TEP1: variants seen among roughly 807,000 people sequenced by gnomAD.
TEP1 encodes the protein telomerase associated protein 1, also known as telomerase protein component 1.
A neutral mutation model predicts 306.3 loss-of-function variants in TEP1; 241 were observed. The ratio of observed to expected loss-of-function variants is 0.79; its 90% CI spans 0.71 to 0.88. The LOEUF (loss-of-function observed/expected upper bound fraction) is 0.88. Ranked by LOEUF, TEP1 falls within the 40% of genes least tolerant of loss-of-function variation. The probability of loss-of-function intolerance (pLI) is 0.00; values close to 1 mark genes in which losing one functional copy is unlikely to be tolerated. For synonymous variants in TEP1, 1,289 were observed against 1,305.5 expected (o/e 0.99, Z 0.27); for missense variants, 3,051 against 3,276.1 (o/e 0.93, Z 1.68).
intron 7 of TEP1, among the ~76,000 whole-genome samples, chr14:20,401,848 G>A (rs139068844): frequency 1.2e-3 from 186 of 152,304 alleles, no homozygotes; most frequent in African/African-American, 4.3e-3. Flanking sequence ...GAGAAACAAG[G>A]TGGGGATAGA....
chr14:20,382,476 G>A, intron 28 of TEP1, 120 bp from the exon 29 acceptor site: 5 of 1,536,614 alleles, frequency 3.3e-6, no homozygotes, highest in Non-Finnish European at 4.4e-6. Context: ...AAGAACAACA[G>A]TAGGAGGGAA....
chr14:20,368,760 G>A (rs773769593), intron 54 of TEP1, 38 bp downstream of exon 54: 495 of 1,303,608 alleles, frequency 3.8e-4, no homozygotes, highest in African/African-American at 7.4e-4. Flanking sequence ...GTGTGCAGGC[G>A]CACGCACACA....
chr14:20,390,711 G>C lies in TEP1; in HGVS notation c.2304C>G (p.Tyr768Ter), dbSNP rs138966593. The C allele has an allele frequency of 1.2e-6, 2 of 1,614,044 alleles. No individual in the cohort carries two copies. The highest frequency in any genetic ancestry group is 2.7e-5 in the African/African-American group (2 of 74,898). The change falls in exon 15 of 55, where the codon TAC (tyrosine) becomes TAG (stop). Residue 768 changes from tyrosine to a stop codon, truncating the protein, a stop_gained. Transcript: ENST00000262715. LOFTEE classifies it high-confidence loss of function. ...DGWSLNTFGK[Y>*]LLSLAGQRVP... ...CCCTTTGGCCAGCCAGAGACAGCAGGTATTTCCCAAAAGTATTCAGGGACC... is the reference window on the plus strand; with the variant it reads ...CCCTTTGGCCAGCCAGAGACAGCAGCTATTTCCCAAAAGTATTCAGGGACC...
chr14:20,388,132 G>T (rs1169799767), intron 17 of TEP1, 69 bp from the exon 18 acceptor site: 3 of 1,559,672 alleles, frequency 1.9e-6, no homozygotes, highest in Non-Finnish European at 2.6e-6. Context: ...CTTCCGAAAA[G>T]GGCAGGGGGA....
At chr14:20,379,777 G>T (rs1885417433) in intron 35 of TEP1, among the ~76,000 whole-genome samples, 153 bp downstream of exon 35, 1 of 152,232 alleles carries the variant, frequency 6.6e-6, no homozygotes, top group Non-Finnish European at 1.5e-5. Context: ...CTGTGTGATT[G>T]ATTTTTTGGC....
In TEP1 at chr14:20,404,703, A is replaced by T; in HGVS notation, c.940T>A (p.Phe314Ile). The T allele has an allele frequency of 1.2e-6, 2 of 1,614,180 alleles. No homozygotes were observed. The highest frequency in any genetic ancestry group is 1.7e-6 in the Non-Finnish European group (2 of 1,180,030). The change falls in exon 5 of 55, where the codon TTC (phenylalanine) becomes ATC (isoleucine). Residue 314 changes from phenylalanine to isoleucine, a missense_variant. By Grantham distance (21) the Phe-to-Ile change is conservative. This residue lies in a region of TEP1 where 1,507 missense variants were observed against 1,550.5 expected (regional missense o/e 0.97). Coordinates refer to ENST00000262715, the MANE Select transcript of TEP1 (RefSeq NM_007110.5). ...VANNILAIAA[F>I]LPACRPHLRR... ...AGGTGGGGGCGACACGCCGGCAAGA[A>T]AGCAGCAATGGCCAAGATGTTATTG...
In TEP1 at chr14:20,403,706, C is replaced by A. The variant is rs765144881; in HGVS notation, c.1194+17G>T. ...GGAGAAAAGGGGCGTGGGTCGAGGG[C>A]TGGGGCAGTGACTGACTGGAGAGCG... On this transcript the variant is annotated intron_variant, in intron 6 of 54. Coordinates refer to ENST00000262715, the MANE Select transcript of TEP1 (RefSeq NM_007110.5). The A allele has an allele frequency of 1.2e-6, 2 of 1,613,062 alleles. No individual in the cohort carries two copies. Among genetic ancestry groups the A allele is most frequent in the Admixed American group, 3.3e-5 (2 of 60,008 alleles).
intron 21 of TEP1, 134 bp downstream of exon 21, chr14:20,384,851 G>C: frequency 6.7e-7 from 1 of 1,498,134 alleles, no homozygotes; most frequent in Non-Finnish European, 9.1e-7. Flanking sequence ...GGCTGACGTG[G>C]GGCTGCAAAG....
intron 7 of TEP1, among the ~76,000 whole-genome samples, chr14:20,402,471 C>A (rs1878831262): frequency 6.6e-6 from 1 of 152,196 alleles, no homozygotes. Context: ...TCCTAATCAT[C>A]TGTTTTAATA....
chr14:20,371,562 GAC>G lies in TEP1; in HGVS notation c.7145_7146del (p.Gly2382AlafsTer23). ...VLTSLDWAPDGHFLILAKADL... is the reference protein window; with the variant it reads ...VLTSLDWAPDXHFLILAKADL... ...TCTGCTTTGGCCAAGATGAGAAAGT[GAC>G]CATCAGGAGCCCAATCCAGACTTGT... On this transcript the variant is annotated frameshift_variant, in exon 50 of 55. Transcript: ENST00000262715. LOFTEE classifies it high-confidence loss of function. 6.2e-7 allele frequency: 1 copy of G among 1,607,066 alleles called. No homozygotes were observed. Among genetic ancestry groups the G allele is most frequent in the Non-Finnish European group, 8.5e-7 (1 of 1,178,602 alleles).
intron 27 of TEP1, 37 bp downstream of exon 27, chr14:20,383,137 A>AC (rs771448949): frequency 3.9e-6 from 6 of 1,540,410 alleles, no homozygotes; most frequent in Non-Finnish European, 5.2e-6. Flanking sequence ...TCCCAGATTC[A>AC]CCCCACACAC....
chr14:20,388,258 A>G (rs1877377279), intron 17 of TEP1, among the ~76,000 whole-genome samples, 195 bp from the exon 18 acceptor site: 1 of 152,244 alleles, frequency 6.6e-6, no homozygotes, highest in Non-Finnish European at 1.5e-5. Context: ...AATGAAGGAA[A>G]AGAGAAGCCC....
At position 20,381,551 on chromosome 14, in the gene TEP1, A is replaced by C. The variant is rs575633199; in HGVS notation, c.4558+2T>G. On this transcript the variant is annotated splice_donor_variant, in intron 31 of 54. Transcript: ENST00000262715. LOFTEE classifies it high-confidence loss of function. The surrounding 1 kb of genome is among the most constrained non-coding windows in gnomAD (Gnocchi z 4.0). ...GCCCAGGCTGACTTGGGCTGCAATC[A>C]CCTGCAATGAGGATGTGTGCCGTGT... The C allele has an allele frequency of 6.2e-7, 1 of 1,613,550 alleles. No individual in the cohort carries two copies. Among genetic ancestry groups the C allele is most frequent in the South Asian group, 1.1e-5 (1 of 91,080 alleles).
In TEP1 at chr14:20,406,410, T is replaced by C. The variant is rs1216605887; in HGVS notation, c.568-10A>G. 2 of 1,613,378 alleles carry C rather than the reference T, an allele frequency of 1.2e-6. No homozygotes were observed. Among genetic ancestry groups the C allele is most frequent in the Non-Finnish European group, 1.7e-6 (2 of 1,179,826 alleles). On this transcript the variant is annotated splice_polypyrimidine_tract_variant and intron_variant, in intron 2 of 54. Coordinates refer to ENST00000262715, the MANE Select transcript of TEP1 (RefSeq NM_007110.5). ...AATCAAACCAACGACCCTGGGGTAGTAGTGGCAGTTATGAATCACAGCAGG... is the reference window on the plus strand; with the variant it reads ...AATCAAACCAACGACCCTGGGGTAGCAGTGGCAGTTATGAATCACAGCAGG...
rs1263549925 is a variant in TEP1, at chr14:20,373,659, G to A, written c.6604+19C>T. On this transcript the variant is annotated intron_variant, in intron 45 of 54. Transcript: ENST00000262715. ...AAGAAGAGACAGCAGGGAAGGGGAG[G>A]TGGCTGACGTTTTGTTACCTGCACG... The A allele has an allele frequency of 2.5e-6, 4 of 1,614,214 alleles. No individual in the cohort carries two copies. The highest frequency in any genetic ancestry group is 2.2e-5 in the South Asian group (2 of 91,092).
At chr14:20,386,227 T>C (rs1376705342) in intron 19 of TEP1, 32 bp from the exon 20 acceptor site, 1 of 1,612,664 alleles carries the variant, frequency 6.2e-7, no homozygotes, top group African/African-American at 1.3e-5. Flanking sequence ...CGTGTGGGAG[T>C]CACTGGGGGC....
In TEP1 at chr14:20,365,776, T is replaced by C. The variant is rs988123222; in HGVS notation, c.*2661A>G. The C allele has an allele frequency of 6.6e-6, 1 of 152,232 alleles. No individual in the cohort carries two copies. The highest frequency in any genetic ancestry group is 1.5e-5 in the Non-Finnish European group (1 of 68,046). 9.4% of individuals were successfully genotyped at this position (152,232 alleles called of 1,614,324 possible). A position where few individuals can be genotyped will look rare whatever the true frequency, so the allele number is the denominator to read the frequency against. On this transcript the variant is annotated 3_prime_UTR_variant, in exon 55 of 55. Transcript: ENST00000262715. ...CCGTACTTATCTCATTATAAAACAT[T>C]AACAATTTGTGAACTGGCACTAGTC...
At chr14:20,387,294 C>T in intron 18 of TEP1, among the ~76,000 whole-genome samples, 1 of 147,924 alleles carries the variant, frequency 6.8e-6, no homozygotes, top group Non-Finnish European at 1.5e-5. Flanking sequence ...CGCCTGTAAT[C>T]CCAGCACTTT....
chr14:20,391,448 A>C (rs991088769), intron 13 of TEP1, 151 bp downstream of exon 13: 1 of 907,512 alleles, frequency 1.1e-6, no homozygotes, highest in African/African-American at 1.7e-5. Context: ...TGCCCCTAGG[A>C]ACCAAGGACT....
Sources: allele counts gnomAD v4.1 joint callset (sites outside exome capture counted in the v4.1 genomes callset), GRCh38; gene constraint gnomAD v4.1.1; regional missense constraint gnomAD v4.1.1; non-coding constraint Gnocchi (gnomAD v3.1); transcripts MANE v1.5; gene names NCBI Gene and HGNC (gene_info 2026-07-23, HGNC 2026-07-21).